Variants in CHD9 observed in about 807,000 individuals in gnomAD.
The protein encoded by CHD9 is chromodomain helicase DNA binding protein 9, also known as ATP-dependent chromatin remodeler CHD9.
A neutral mutation model predicts 316.1 loss-of-function variants in CHD9; 77 were observed. The observed-to-expected ratio is 0.24, with a 90% CI of 0.20 to 0.29. The LOEUF is 0.29. Ranked by LOEUF, CHD9 falls within the 10% of genes least tolerant of loss-of-function variation. The pLI is 1.00. For synonymous variants in CHD9, 1,129 were observed against 1,158.3 expected, an observed-to-expected ratio of 0.97 and a Z score of 0.51; for missense variants, 2,763 against 3,438.1, an observed-to-expected ratio of 0.80 and a Z score of 4.91.
intron 2 of CHD9, among the ~76,000 whole-genome samples, chr16:53,187,522 G>A (rs1184936737): frequency 1.3e-5 from 2 of 152,036 alleles, no homozygotes; most frequent in Non-Finnish European, 2.9e-5. Context: ...AAAAAAAAGT[G>A]TAGAGTGAGA....
chr16:53,323,575 TA>T (rs1328690351), intron 38 of CHD9, among the ~76,000 whole-genome samples: 3 of 152,220 alleles, frequency 2.0e-5, no homozygotes, highest in Non-Finnish European at 2.9e-5. Flanking sequence ...GACAGTAAAA[TA>T]ATTCATATGA....
At chr16:53,126,058 A>T (rs2038956933) in intron 1 of CHD9, among the ~76,000 whole-genome samples, 1 of 152,194 alleles carries the variant, frequency 6.6e-6, no homozygotes, top group Non-Finnish European at 1.5e-5. Context: ...AATTTTAATG[A>T]AGTCTAGTTT....
chr16:53,217,493 A>T (rs1461787538), intron 3 of CHD9, among the ~76,000 whole-genome samples: 2 of 152,122 alleles, frequency 1.3e-5, no homozygotes. Context: ...ACCTCAGGTG[A>T]TCCTTTCTCC....
chr16:53,234,813 TAA>T (rs60183034), intron 10 of CHD9, among the ~76,000 whole-genome samples: 2 of 147,888 alleles, frequency 1.4e-5, no homozygotes, highest in African/African-American at 5.0e-5. Context: ...CATTCCTGGT[TAA>T]AAAAAAAAAC....
intron 1 of CHD9, among the ~76,000 whole-genome samples, chr16:53,126,416 C>G (rs971300862): frequency 3.3e-5 from 5 of 152,148 alleles, no homozygotes; most frequent in Non-Finnish European, 7.4e-5. Flanking sequence ...AATCCATATG[C>G]CTATCCTTAT....
chr16:53,255,067 T>C (rs2050472002), intron 18 of CHD9, among the ~76,000 whole-genome samples: 2 of 152,142 alleles, frequency 1.3e-5, no homozygotes, highest in African/African-American at 2.4e-5. Context: ...TCTCAGCACT[T>C]TGGGACGCTG....
chr16:53,144,425 T>C (rs1597138102), intron 1 of CHD9, among the ~76,000 whole-genome samples: 1 of 152,250 alleles, frequency 6.6e-6, no homozygotes, highest in South Asian at 2.1e-4. Flanking sequence ...TTCTAATAAG[T>C]TTTAATTTGT....
chr16:53,105,224 T>A (rs2037239971), intron 1 of CHD9, among the ~76,000 whole-genome samples: 1 of 152,102 alleles, frequency 6.6e-6, no homozygotes, highest in Non-Finnish European at 1.5e-5. Context: ...TAGTGAGGTG[T>A]CTCCCCCAAA....
At chr16:53,315,900 T>C (rs2056845713) in intron 36 of CHD9, among the ~76,000 whole-genome samples, 1 of 152,196 alleles carries the variant, frequency 6.6e-6, no homozygotes. Context: ...TTCTTCAAGC[T>C]ATGAGTATAG....
rs557517155 is a variant in CHD9 at position 53,168,048 on chromosome 16, C to CTTTATTTA, written c.1452+10527_1452+10534dup. The stretch of plus-strand genomic sequence containing the variant: ...GAATTAGAAATAGTAATAACATTTG[C>CTTTATTTA]TTTATTTATTTATTTATTTATTTAT... On this transcript the variant is annotated intron_variant, in intron 2 of 38. Coordinates refer to ENST00000447540, the MANE Select transcript of CHD9 (RefSeq NM_001308319.2). 1.5e-4 allele frequency among the ~76,000 whole-genome samples: 22 copies of CTTTATTTA among 151,314 alleles called. 1 individual carries two copies. The highest frequency in any genetic ancestry group is 3.6e-4 in the African/African-American group (15 of 41,202).
rs550838309 is a variant in CHD9, at chr16:53,153,502, A to C, written c.-164-2424A>C. Among the ~76,000 whole-genome samples the C allele has an allele frequency of 4.8e-4, 73 of 152,188 alleles. 2 individuals are homozygous for C. In the South Asian group the frequency reaches 0.013, roughly 28 times the overall value. On this transcript the variant is annotated intron_variant, in intron 1 of 38. Transcript: ENST00000447540. ...AACTTAAATGTAAAACAGTGGAGGA[A>C]ACTTTTTAAAAGTAATTTCCTTGGT...
chr16:53,077,934 C>T (rs1465279236), intron 1 of CHD9, among the ~76,000 whole-genome samples: 1 of 152,042 alleles, frequency 6.6e-6, no homozygotes, highest in Non-Finnish European at 1.5e-5. Context: ...ATTAGCCAGG[C>T]ATGGTGTTGC....
intron 1 of CHD9, among the ~76,000 whole-genome samples, chr16:53,123,389 ATCTACTTTCTG>A (rs2038832430): frequency 6.6e-6 from 1 of 151,996 alleles, no homozygotes; most frequent in Non-Finnish European, 1.5e-5. Flanking sequence ...GCAACCACTA[ATCTACTTTCTG>A]TCTACTTTCT....
intron 2 of CHD9, chr16:53,168,603 A>G (rs796273932): frequency 1.3e-5 from 2 of 152,222 alleles, no homozygotes; most frequent in Non-Finnish European, 2.9e-5. Flanking sequence ...CAGCAAAAAA[A>G]TAACAAAAGT....
chr16:53,164,667 T>C (rs1390092065), intron 2 of CHD9, among the ~76,000 whole-genome samples: 6 of 151,112 alleles, frequency 4.0e-5, no homozygotes, highest in Non-Finnish European at 8.9e-5. Context: ...GTTGTTGTTG[T>C]TTTTGAGACA....
intron 25 of CHD9, 105 bp downstream of exon 25, chr16:53,285,804 A>G (rs1224278253): frequency 1.2e-5 from 7 of 593,722 alleles, no homozygotes; most frequent in Admixed American, 6.7e-5. Context: ...AGTAACATCT[A>G]TGTTATATAT....
intron 1 of CHD9, among the ~76,000 whole-genome samples, chr16:53,145,127 C>A (rs969790899): frequency 1.3e-5 from 2 of 151,596 alleles, no homozygotes; most frequent in Non-Finnish European, 2.9e-5. Flanking sequence ...GCAGCCTGGG[C>A]ACAGTGGCTT....
chr16:53,225,200 T>C (rs923244061), intron 4 of CHD9, among the ~76,000 whole-genome samples: 7 of 152,146 alleles, frequency 4.6e-5, no homozygotes, highest in Admixed American at 2.6e-4. Flanking sequence ...ACTTGCCAAA[T>C]AGAAGACAGG....
intron 1 of CHD9, among the ~76,000 whole-genome samples, chr16:53,113,824 GC>G (rs1472360001): frequency 3.9e-5 from 6 of 152,008 alleles, no homozygotes; most frequent in African/African-American, 1.5e-4. Context: ...TCTCACCTCA[GC>G]CTCCTGAGTA....
Sources: gnomAD v4.1 joint callset for allele counts (sites outside exome capture counted in the v4.1 genomes callset) on GRCh38, gnomAD v4.1.1 for gene constraint, MANE v1.5 for transcripts, NCBI Gene and HGNC (gene_info 2026-07-23, HGNC 2026-07-21) for gene names.